ALMS1: variants seen among roughly 807,000 people sequenced by gnomAD.
The protein encoded by ALMS1 is ALMS1 centrosome and basal body associated protein.
ALMS1 carries 271 observed loss-of-function variants against 352.2 expected under a neutral mutation model. The ratio of observed to expected loss-of-function variants is 0.77; its 90% CI spans 0.70 to 0.85. ALMS1 has a LOEUF of 0.85. Ranked by LOEUF, ALMS1 falls within the 40% of genes least tolerant of loss-of-function variation. The probability of loss-of-function intolerance (pLI) is 0.00; values close to 1 mark genes in which losing one functional copy is unlikely to be tolerated. For synonymous variants in ALMS1, 1,865 were observed against 1,761.2 expected (o/e 1.06, Z -1.48); for missense variants, 5,445 against 4,870.7 (o/e 1.12, Z -3.51).
rs1433071600 is a variant in ALMS1 at position 73,448,722 on chromosome 2, A to T, written c.2195A>T (p.Asp732Val). The T allele has an allele frequency of 1.2e-6, 2 of 1,605,268 alleles. No homozygotes were observed. The highest frequency in any genetic ancestry group is 2.2e-5 in the South Asian group (2 of 90,492). Residue 732 changes from aspartate (D) to valine (V), a missense_variant, in exon 8 of 23, where the codon GAC becomes GTC. Coordinates refer to ENST00000613296, the MANE Select transcript of ALMS1 (RefSeq NM_001378454.1). Reference protein sequence around the residue: ...PGIFYQQEFADSHQTEETLTK... With the variant: ...PGIFYQQEFAVSHQTEETLTK... ...ATTTTTTACCAACAAGAGTTCGCAG[A>T]CAGTCATCAAACTGAAGAGACTCTT...
chr2:73,548,951 T>A (rs1422756205), intron 12 of ALMS1, among the ~76,000 whole-genome samples: 1 of 152,188 alleles, frequency 6.6e-6, no homozygotes, highest in Non-Finnish European at 1.5e-5. Flanking sequence ...AAAGTGATGT[T>A]ACAGAAGTTG....
chr2:73,479,209 A>C (rs1048432095), intron 9 of ALMS1, among the ~76,000 whole-genome samples: 1 of 152,238 alleles, frequency 6.6e-6, no homozygotes, highest in South Asian at 2.1e-4. Flanking sequence ...TAATATAGAG[A>C]TATCACATAT....
At chr2:73,472,575 A>C (rs1672489745) in intron 9 of ALMS1, among the ~76,000 whole-genome samples, 1 of 152,076 alleles carries the variant, frequency 6.6e-6, no homozygotes, top group African/African-American at 2.4e-5. Context: ...TATCAGAATT[A>C]GTTTTCGTAG....
chr2:73,521,921 GTTTT>G (rs995261710), intron 11 of ALMS1, among the ~76,000 whole-genome samples: 50 of 151,566 alleles, frequency 3.3e-4, no homozygotes, highest in South Asian at 1.3e-3. Flanking sequence ...TTTATGAGGT[GTTTT>G]TTTTTGTTTG....
intron 22 of ALMS1, 58 bp downstream of exon 22, chr2:73,608,632 T>G: frequency 7.3e-7 from 1 of 1,371,694 alleles, no homozygotes; most frequent in Non-Finnish European, 1.0e-6. Flanking sequence ...GAAAGAGAAA[T>G]GGAGAAAACA....
At chr2:73,407,570 T>A (rs1029770180) in intron 1 of ALMS1, among the ~76,000 whole-genome samples, 5 of 152,254 alleles carry the variant, frequency 3.3e-5, no homozygotes, top group Non-Finnish European at 5.9e-5. Flanking sequence ...TATTTTCCTA[T>A]GGCTTAAAGT....
intron 7 of ALMS1, among the ~76,000 whole-genome samples, chr2:73,434,589 T>G (rs1671571345): frequency 6.6e-6 from 1 of 152,216 alleles, no homozygotes; most frequent in African/African-American, 2.4e-5. Flanking sequence ...TATAGATGTC[T>G]TTCAGCTCTA....
At chr2:73,468,329 C>T (rs915206620) in intron 9 of ALMS1, among the ~76,000 whole-genome samples, 3 of 151,996 alleles carry the variant, frequency 2.0e-5, no homozygotes, top group Non-Finnish European at 4.4e-5. Flanking sequence ...CCACCTAGCA[C>T]AAACTGCTTC....
chr2:73,447,102 A>G (rs1472091028), intron 7 of ALMS1, among the ~76,000 whole-genome samples: 1 of 152,174 alleles, frequency 6.6e-6, no homozygotes, highest in Non-Finnish European at 1.5e-5. Flanking sequence ...CATAGTAAGC[A>G]TTCATGTATT....
chr2:73,452,654 GC>G lies in ALMS1; in HGVS notation c.6128del (p.Ala2043ValfsTer10). Reference protein sequence around the residue: ...PNDQKTPSQTAFHSSYSQTVK... With the variant: ...PNDQKTPSQTXFHSSYSQTVK... ...TGACCAGAAGACTCCATCCCAGACA[GC>G]TTTTCATAGTTCCTATTCTCAAACA... On this transcript the variant is annotated frameshift_variant, in exon 8 of 23. Transcript: ENST00000613296. LOFTEE classifies it high-confidence loss of function. 1.2e-6 allele frequency: 2 copies of G among 1,613,950 alleles called. No homozygotes were observed. The highest frequency in any genetic ancestry group is 1.7e-6 in the Non-Finnish European group (2 of 1,179,964).
At chr2:73,487,141 T>G (rs1324226439) in intron 9 of ALMS1, among the ~76,000 whole-genome samples, 1 of 152,234 alleles carries the variant, frequency 6.6e-6, no homozygotes, top group Non-Finnish European at 1.5e-5. Flanking sequence ...CAGCACCTTC[T>G]GCCTGAGTAT....
intron 12 of ALMS1, among the ~76,000 whole-genome samples, chr2:73,548,141 A>G (rs1674359172): frequency 6.6e-6 from 1 of 152,224 alleles, no homozygotes; most frequent in Non-Finnish European, 1.5e-5. Flanking sequence ...TGTTGGGTCT[A>G]CAATTGAATG....
chr2:73,599,908 A>T (rs1239003188), intron 17 of ALMS1, among the ~76,000 whole-genome samples: 1 of 152,252 alleles, frequency 6.6e-6, no homozygotes, highest in Non-Finnish European at 1.5e-5. Context: ...CCACTAAAAC[A>T]TTGTTTATAG....
intron 12 of ALMS1, among the ~76,000 whole-genome samples, chr2:73,537,651 C>T (rs1674059465): frequency 6.6e-6 from 1 of 152,134 alleles, no homozygotes; most frequent in African/African-American, 2.4e-5. Context: ...CAACATAAAG[C>T]AACAACACCA....
chr2:73,517,227 A>T (rs1348445713), intron 10 of ALMS1, among the ~76,000 whole-genome samples: 4 of 91,100 alleles, frequency 4.4e-5, no homozygotes, highest in African/African-American at 6.8e-5. Context: ...TTTTCAAGTG[A>T]TTTTTTGAAA....
intron 16 of ALMS1, among the ~76,000 whole-genome samples, chr2:73,593,304 C>T (rs1302792338): frequency 1.3e-5 from 2 of 151,996 alleles, no homozygotes; most frequent in African/African-American, 2.4e-5. Flanking sequence ...GATTCAACAT[C>T]ACATGGCACG....
intron 9 of ALMS1, among the ~76,000 whole-genome samples, chr2:73,463,670 T>G (rs1672259162): frequency 8.0e-6 from 1 of 125,142 alleles, no homozygotes; most frequent in South Asian, 2.9e-4. Context: ...GGAGCTGGTT[T>G]TTTGAAAGGA....
intron 1 of ALMS1, among the ~76,000 whole-genome samples, chr2:73,404,351 T>C (rs183221900): frequency 6.6e-6 from 1 of 152,358 alleles, no homozygotes; most frequent in East Asian, 1.9e-4. Flanking sequence ...CATCTTTGTC[T>C]TGCTTCTGAT....
At position 73,448,977 on chromosome 2, in the gene ALMS1, T is replaced by C. The variant is rs751189686; in HGVS notation, c.2450T>C (p.Leu817Pro). The change falls in exon 8 of 23, where the codon CTC becomes CCC. Residue 817 changes from leucine to proline, a missense_variant. Transcript: ENST00000613296. ...AGTGCATACTCACACAGAGAGAAGCTCCTTGTTTTCTACCAACAGGCCTTG... is the reference window on the plus strand; with the variant it reads ...AGTGCATACTCACACAGAGAGAAGCCCCTTGTTTTCTACCAACAGGCCTTG... ...PSSAYSHREKLLVFYQQALLD... is the reference protein window; with the variant it reads ...PSSAYSHREKPLVFYQQALLD... 4 of 1,612,522 alleles carry C rather than the reference T, an allele frequency of 2.5e-6. No individual in the cohort carries two copies. The highest frequency in any genetic ancestry group is 3.4e-6 in the Non-Finnish European group (4 of 1,179,612).
Sources: gnomAD v4.1 joint callset for allele counts (sites outside exome capture counted in the v4.1 genomes callset) on GRCh38, gnomAD v4.1.1 for gene constraint, MANE v1.5 for transcripts, NCBI Gene and HGNC (gene_info 2026-07-23, HGNC 2026-07-21) for gene names.